Variants in SYNE1 observed in about 807,000 individuals in gnomAD.
SYNE1 encodes nesprin-1.
Under a neutral mutation model 1,111.0 loss-of-function variants are expected in SYNE1, and 616 were observed. The ratio of observed to expected loss-of-function variants is 0.55; its 90% confidence interval spans 0.52 to 0.59. The LOEUF (loss-of-function observed/expected upper bound fraction) is 0.59. Ranked by LOEUF, SYNE1 falls within the 20% of genes least tolerant of loss-of-function variation. The pLI is 0.00. For synonymous variants in SYNE1, 3,855 were observed against 3,825.8 expected (o/e 1.01, Z -0.28); for missense variants, 10,006 against 10,417.0 (o/e 0.96, Z 1.72).
rs563408259 is a variant in SYNE1, at chr6:152,211,490, C to A, written c.22589+4G>T. The A allele has an allele frequency of 3.1e-6, 5 of 1,611,276 alleles. No individual in the cohort carries two copies. The Admixed American group carries it at 8.3e-5, about 27-fold the overall frequency. On this transcript the variant is annotated splice_donor_region_variant and intron_variant, in intron 124 of 145. Coordinates refer to ENST00000367255, the MANE Select transcript of SYNE1 (RefSeq NM_182961.4). ...TCTTTGTAATAATTTATCAAAGATCCTACCTGTCATCAACTTGACCTTGTT... is the reference window on the plus strand; with the variant it reads ...TCTTTGTAATAATTTATCAAAGATCATACCTGTCATCAACTTGACCTTGTT...
chr6:152,616,697 G>C (rs764017715), intron 3 of SYNE1, among the ~76,000 whole-genome samples: 3 of 152,106 alleles, frequency 2.0e-5, no homozygotes, highest in Non-Finnish European at 4.4e-5. Flanking sequence ...ACAGCTAATG[G>C]CTCTCTTTGA....
chr6:152,343,943 G>T (rs995747337), intron 74 of SYNE1, 138 bp downstream of exon 74: 2 of 1,242,782 alleles, frequency 1.6e-6, no homozygotes, highest in Middle Eastern at 5.2e-4. Flanking sequence ...AACTCCACTA[G>T]AGCCAACCTC....
chr6:152,486,236 T>TA lies in SYNE1; in HGVS notation c.1048-1265dup, dbSNP rs545805458. ...AAAAAAAACAACAAAAAAATAAATTTAAAAAAAAACAAAACATCAAATCAA... is the reference window on the plus strand; with the variant it reads ...AAAAAAAACAACAAAAAAATAAATTTAAAAAAAAAACAAAACATCAAATCAA... On this transcript the variant is annotated intron_variant, in intron 12 of 145. Transcript: ENST00000367255. Among the ~76,000 whole-genome samples the TA allele has an allele frequency of 3.4e-3, 516 of 150,860 alleles. 3 individuals carry two copies. The highest frequency in any genetic ancestry group is 6.2e-3 in the Non-Finnish European group (422 of 67,672).
intron 30 of SYNE1, 99 bp downstream of exon 30, chr6:152,444,312 C>G: frequency 7.3e-7 from 1 of 1,369,820 alleles, no homozygotes; most frequent in Non-Finnish European, 1.0e-6. Flanking sequence ...GCCCCCTCAC[C>G]CACTCTCTCA....
At chr6:152,441,736 G>T (rs1443005724) in intron 31 of SYNE1, among the ~76,000 whole-genome samples, 1 of 152,158 alleles carries the variant, frequency 6.6e-6, no homozygotes, top group African/African-American at 2.4e-5. Flanking sequence ...TAAATGTGTG[G>T]CTGCATGGCT....
At chr6:152,610,516 T>A (rs893045575) in intron 3 of SYNE1, among the ~76,000 whole-genome samples, 1 of 152,180 alleles carries the variant, frequency 6.6e-6, no homozygotes, top group Non-Finnish European at 1.5e-5. Context: ...AACCTACGTT[T>A]GATTGGTGTA....
At chr6:152,412,657 A>G (rs1341491152) in intron 42 of SYNE1, among the ~76,000 whole-genome samples, 4 of 152,182 alleles carry the variant, frequency 2.6e-5, no homozygotes, top group South Asian at 2.1e-4. Flanking sequence ...TAATAGTTAC[A>G]CAACTGCATA....
intron 106 of SYNE1, among the ~76,000 whole-genome samples, 169 bp from the exon 107 acceptor site, chr6:152,242,609 G>T (rs1164847179): frequency 6.6e-6 from 1 of 152,004 alleles, no homozygotes; most frequent in African/African-American, 2.4e-5. Context: ...CTTTCTATGA[G>T]CCTTACTTTG....
chr6:152,252,771 G>A (rs115833897), intron 104 of SYNE1, among the ~76,000 whole-genome samples: 231 of 152,206 alleles, frequency 1.5e-3, no homozygotes, highest in African/African-American at 5.2e-3. Flanking sequence ...CTTTTTGTTC[G>A]TGAGCTGGCC....
At chr6:152,430,017 C>T in intron 36 of SYNE1, 95 bp downstream of exon 36, 1 of 854,138 alleles carries the variant, frequency 1.2e-6, no homozygotes, top group Non-Finnish European at 1.9e-6. Flanking sequence ...TTTCCAATTT[C>T]AATTCTCTTA....
intron 10 of SYNE1, among the ~76,000 whole-genome samples, chr6:152,502,377 A>C (rs1192058086): frequency 6.6e-6 from 1 of 152,230 alleles, no homozygotes; most frequent in Non-Finnish European, 1.5e-5. Flanking sequence ...CAACACTGCT[A>C]TCTTTTCTCA....
chr6:152,502,284 C>T (rs541677950), intron 10 of SYNE1, among the ~76,000 whole-genome samples: 3 of 152,144 alleles, frequency 2.0e-5, no homozygotes, highest in Admixed American at 6.5e-5. Flanking sequence ...TCAACCAGAG[C>T]GAGGGGATTA....
At chr6:152,568,385 C>T (rs556727987) in intron 3 of SYNE1, among the ~76,000 whole-genome samples, 1 of 145,714 alleles carries the variant, frequency 6.9e-6, no homozygotes, top group African/African-American at 2.6e-5. Context: ...TCACTGCAAC[C>T]TCTACCTCCT....
chr6:152,284,318 C>G (rs1174097661), intron 95 of SYNE1, 146 bp from the exon 96 acceptor site: 9 of 845,210 alleles, frequency 1.1e-5, no homozygotes, highest in Non-Finnish European at 1.4e-5. Flanking sequence ...GCAGCCTACT[C>G]ACCTACATTT....
At chr6:152,266,180 A>C (rs1014918366) in intron 100 of SYNE1, among the ~76,000 whole-genome samples, 1 of 152,114 alleles carries the variant, frequency 6.6e-6, no homozygotes, top group Non-Finnish European at 1.5e-5. Flanking sequence ...TTATTTTTAA[A>C]ATATTTTTTA....
intron 141 of SYNE1, 60 bp downstream of exon 141, chr6:152,136,558 C>T (rs1429857849): frequency 6.3e-7 from 1 of 1,595,238 alleles, no homozygotes. Flanking sequence ...TCAAGTCACA[C>T]ACTCAGCTAA....
chr6:152,515,408 T>C (rs1409786298), intron 6 of SYNE1, among the ~76,000 whole-genome samples: 2 of 152,172 alleles, frequency 1.3e-5, no homozygotes, highest in Non-Finnish European at 2.9e-5. Flanking sequence ...TACCTCATTC[T>C]CAACAATAAT....
rs190682944 is a variant in SYNE1, at chr6:152,560,280, C to T, written c.68-20259G>A. Among the ~76,000 whole-genome samples, 295 of 152,172 alleles carry T rather than the reference C, an allele frequency of 1.9e-3. 1 individual carries two copies. The highest frequency in any genetic ancestry group is 6.6e-3 in the African/African-American group (275 of 41,528). ...ACTCGGGAGGCTGAGGTGGGAGAAT[C>T]GCTTAAACCTGGGAGGCAGAAGTTG... On this transcript the variant is annotated intron_variant, in intron 3 of 145. Coordinates refer to ENST00000367255, the MANE Select transcript of SYNE1 (RefSeq NM_182961.4).
chr6:152,584,436 T>C (rs1390978512), intron 3 of SYNE1, among the ~76,000 whole-genome samples: 1 of 152,136 alleles, frequency 6.6e-6, no homozygotes, highest in Non-Finnish European at 1.5e-5. Flanking sequence ...TATCCCTACT[T>C]ATTTTATTTA....
Sources: gnomAD v4.1 joint callset for allele counts (sites outside exome capture counted in the v4.1 genomes callset) on GRCh38, gnomAD v4.1.1 for gene constraint, MANE v1.5 for transcripts, NCBI Gene and HGNC (gene_info 2026-07-23, HGNC 2026-07-21) for gene names.